Variants in PLA2G4E observed in about 807,000 individuals in gnomAD.
The protein encoded by PLA2G4E is phospholipase A2 group IVE, also known as cytosolic phospholipase A2 epsilon.
A neutral mutation model predicts 109.1 loss-of-function variants in PLA2G4E; 84 were observed. The observed-to-expected ratio is 0.77, with a 90% CI of 0.65 to 0.92. The LOEUF (loss-of-function observed/expected upper bound fraction) is 0.92, where lower values mean the gene tolerates loss of function less well. PLA2G4E is among the 40% of genes least tolerant of loss of function. PLA2G4E has a pLI of 0.00. For synonymous variants in PLA2G4E, 469 were observed against 436.1 expected, an observed-to-expected ratio of 1.08 and a Z score of -0.94; for missense variants, 1,057 against 1,076.6, an observed-to-expected ratio of 0.98 and a Z score of 0.25.
chr15:42,019,400 G>A (rs1408898034), intron 1 of PLA2G4E, among the ~76,000 whole-genome samples: 1 of 152,242 alleles, frequency 6.6e-6, no homozygotes, highest in Admixed American at 6.5e-5. Context: ...CATTTCAGAG[G>A]TGGTGGATCC....
chr15:42,010,517 G>C (rs919764367), intron 2 of PLA2G4E, among the ~76,000 whole-genome samples: 10 of 152,164 alleles, frequency 6.6e-5, no homozygotes, highest in Non-Finnish European at 1.3e-4. Flanking sequence ...CGGTGACCTG[G>C]TTCTGAGAAT....
Position 41,999,564 on chromosome 15 carries a change from G to A in PLA2G4E, c.937-3C>T. On this transcript the variant is annotated splice_region_variant and splice_polypyrimidine_tract_variant and intron_variant, in intron 9 of 19. Transcript: ENST00000399518. ...ATGTGTAATTCATAACTCTCACCCT[G>A]GGGAGGGAAAGATGAAAAGCTTGTC... The A allele has an allele frequency of 1.2e-6, 2 of 1,612,230 alleles. No homozygotes were observed. The highest frequency in any genetic ancestry group is 1.7e-6 in the Non-Finnish European group (2 of 1,179,102).
intron 1 of PLA2G4E, among the ~76,000 whole-genome samples, chr15:42,039,195 A>G (rs1889272325): frequency 6.6e-6 from 1 of 152,210 alleles, no homozygotes; most frequent in African/African-American, 2.4e-5. Context: ...CCAAAGCTAC[A>G]AGACTATTTA....
At chr15:42,004,449 G>A (rs1215765274) in intron 5 of PLA2G4E, among the ~76,000 whole-genome samples, 1 of 152,132 alleles carries the variant, frequency 6.6e-6, no homozygotes, top group Non-Finnish European at 1.5e-5. Flanking sequence ...AGATTGGAAA[G>A]AACCCTGCAA....
At chr15:42,045,253 A>G (rs543383770) in intron 1 of PLA2G4E, among the ~76,000 whole-genome samples, 1 of 152,122 alleles carries the variant, frequency 6.6e-6, no homozygotes, top group African/African-American at 2.4e-5. Flanking sequence ...AGAAGTAGGA[A>G]TGAGCTTGCC....
chr15:42,020,003 T>A (rs1595571857), intron 1 of PLA2G4E, among the ~76,000 whole-genome samples: 3 of 152,192 alleles, frequency 2.0e-5, no homozygotes, highest in African/African-American at 7.2e-5. Flanking sequence ...GCAGGAACAA[T>A]AGGTGGCCAG....
chr15:41,997,790 G>T (rs1445153651), intron 10 of PLA2G4E: 3 of 152,246 alleles, frequency 2.0e-5, no homozygotes, highest in Non-Finnish European at 2.9e-5. Context: ...TATTCTGTGT[G>T]TGTGTGCAAT....
chr15:42,018,737 A>G (rs1366478695), intron 1 of PLA2G4E, among the ~76,000 whole-genome samples: 1 of 151,994 alleles, frequency 6.6e-6, no homozygotes, highest in East Asian at 1.9e-4. Flanking sequence ...CCCAGCCTGG[A>G]TTCTGGGGTT....
intron 4 of PLA2G4E, 45 bp from the exon 5 acceptor site, chr15:42,005,023 A>G: frequency 6.2e-7 from 1 of 1,604,554 alleles, no homozygotes; most frequent in Non-Finnish European, 8.5e-7. Flanking sequence ...GCGTCTGCAC[A>G]TCTCTGCTGA....
At chr15:42,040,754 T>C (rs1211146025) in intron 1 of PLA2G4E, among the ~76,000 whole-genome samples, 1 of 152,184 alleles carries the variant, frequency 6.6e-6, no homozygotes. Flanking sequence ...TTCCAGAACT[T>C]CGCTGAACAT....
At chr15:42,000,620 G>C (rs143296093) in intron 7 of PLA2G4E, among the ~76,000 whole-genome samples, 2 of 152,300 alleles carry the variant, frequency 1.3e-5, no homozygotes, top group Non-Finnish European at 2.9e-5. Context: ...GCACACTGTC[G>C]CTTTTGATGT....
intron 1 of PLA2G4E, among the ~76,000 whole-genome samples, chr15:42,033,122 G>A (rs1889143985): frequency 6.6e-6 from 1 of 152,112 alleles, no homozygotes; most frequent in South Asian, 2.1e-4. Flanking sequence ...AGAGTACTTG[G>A]GAGCGGACGC....
chr15:41,993,915 C>T (rs1451563367), intron 12 of PLA2G4E, among the ~76,000 whole-genome samples: 1 of 152,176 alleles, frequency 6.6e-6, no homozygotes, highest in Admixed American at 6.5e-5. Flanking sequence ...CTTGTGCTTT[C>T]CCCAGGCCAG....
At chr15:42,033,116 T>C (rs1362883702) in intron 1 of PLA2G4E, among the ~76,000 whole-genome samples, 1 of 151,868 alleles carries the variant, frequency 6.6e-6, no homozygotes, top group Non-Finnish European at 1.5e-5. Context: ...TGTGTGAGAG[T>C]ACTTGGGAGC....
chr15:42,006,833 C>T (rs944351780), intron 3 of PLA2G4E, among the ~76,000 whole-genome samples: 16 of 152,054 alleles, frequency 1.1e-4, no homozygotes, highest in African/African-American at 1.7e-4. Flanking sequence ...AGGTTCCCAA[C>T]GGGATGTGAT....
At chr15:41,989,533 G>A in exon 15 of PLA2G4E, 3 of 1,613,680 alleles carry the variant, frequency 1.9e-6, no homozygotes, top group Non-Finnish European at 2.5e-6. Context: ...CCACCTCGTA[G>A]GGGGAGAACT....
chr15:42,050,654 A>G (rs1188489953), exon 1 of PLA2G4E: 1 of 1,550,560 alleles, frequency 6.4e-7, no homozygotes, highest in South Asian at 1.2e-5. Context: ...CTGTGGGACA[A>G]ACACATTAGT....
At chr15:42,046,209 C>A (rs561070159) in intron 1 of PLA2G4E, among the ~76,000 whole-genome samples, 29 of 152,360 alleles carry the variant, frequency 1.9e-4, no homozygotes, top group Admixed American at 5.9e-4. Flanking sequence ...CCATGCTCCA[C>A]AAAACAGACA....
At chr15:42,007,607 C>A (rs1240509380) in intron 3 of PLA2G4E, 122 bp downstream of exon 3, 2 of 1,267,204 alleles carry the variant, frequency 1.6e-6, no homozygotes, top group African/African-American at 1.5e-5. Flanking sequence ...GTTTGTAGGA[C>A]AAGAAGTAGG....
Sources: allele counts gnomAD v4.1 joint callset (sites outside exome capture counted in the v4.1 genomes callset), GRCh38; gene constraint gnomAD v4.1.1; transcripts MANE v1.5; gene names NCBI Gene and HGNC (gene_info 2026-07-23, HGNC 2026-07-21).